Variants in LEKR1 observed in about 807,000 individuals in gnomAD.
The protein encoded by LEKR1 is protein LEKR1.
Under a neutral mutation model 72.4 loss-of-function variants are expected in LEKR1, and 59 were observed. The observed-to-expected ratio is 0.82, with a 90% CI of 0.66 to 1.01. The LOEUF is 1.01. Ranked by LOEUF, LEKR1 falls within the 50% of genes least tolerant of loss-of-function variation. The pLI, the probability that LEKR1 is intolerant of heterozygous loss-of-function variation, is 0.00. For synonymous variants in LEKR1, 257 were observed against 263.2 expected, an observed-to-expected ratio of 0.98 and a Z score of 0.23; for missense variants, 728 against 759.2, an observed-to-expected ratio of 0.96 and a Z score of 0.48.
At chr3:156,958,280 A>G (rs1414044777) in intron 6 of LEKR1, among the ~76,000 whole-genome samples, 1 of 152,122 alleles carries the variant, frequency 6.6e-6, no homozygotes, top group African/African-American at 2.4e-5. Context: ...TTATCCACAG[A>G]TATCTTTCTG....
At chr3:156,915,944 G>A (rs1240362876) in intron 3 of LEKR1, among the ~76,000 whole-genome samples, 5 of 152,120 alleles carry the variant, frequency 3.3e-5, no homozygotes, top group Admixed American at 2.6e-4. Context: ...TGTATACGGT[G>A]TATGGAAGGG....
chr3:156,936,074 T>C (rs957503213), intron 5 of LEKR1, among the ~76,000 whole-genome samples: 6 of 152,216 alleles, frequency 3.9e-5, no homozygotes, highest in African/African-American at 1.4e-4. Context: ...TGTGTATTTC[T>C]AGTTGTCTTT....
intron 9 of LEKR1, among the ~76,000 whole-genome samples, chr3:156,998,836 C>T (rs76521678): frequency 0.011 from 1,751 of 152,278 alleles, 36 homozygotes; most frequent in African/African-American, 0.04. Flanking sequence ...CTCTCTCCTT[C>T]ATCTTTTTCT....
chr3:156,906,083 A>AG (rs1722500439), intron 3 of LEKR1, among the ~76,000 whole-genome samples: 1 of 152,174 alleles, frequency 6.6e-6, no homozygotes, highest in Non-Finnish European at 1.5e-5. Context: ...TTGACAAAAA[A>AG]GAGTGCAGAT....
intron 9 of LEKR1, among the ~76,000 whole-genome samples, chr3:157,003,465 G>A (rs955045308): frequency 2.0e-5 from 3 of 152,130 alleles, no homozygotes; most frequent in Non-Finnish European, 2.9e-5. Flanking sequence ...TCTTAAGGGG[G>A]TAAAATCAAG....
chr3:156,843,505 T>G (rs1428987837), intron 2 of LEKR1, among the ~76,000 whole-genome samples: 1 of 152,148 alleles, frequency 6.6e-6, no homozygotes, highest in Non-Finnish European at 1.5e-5. Context: ...TTGTTTATTT[T>G]GCAAAACAGA....
Position 157,027,754 on chromosome 3 carries a change from C to T in LEKR1, c.1369-349C>T, listed in dbSNP as rs377693831. ...GTTTGAGCGCAGGAGGTCAAGGCTG[C>T]TGAGAGCCATGATTACACCACTGCA... On this transcript the variant is annotated intron_variant, in intron 11 of 12. Coordinates refer to ENST00000356539, the MANE Select transcript of LEKR1 (RefSeq NM_001004316.3). 1.6e-4 allele frequency among the ~76,000 whole-genome samples: 25 copies of T among 152,142 alleles called. No homozygotes were observed. The South Asian group carries it at 3.9e-3, about 24-fold the overall frequency.
At chr3:157,043,002 A>G (rs1735474808) in intron 12 of LEKR1, among the ~76,000 whole-genome samples, 1 of 152,068 alleles carries the variant, frequency 6.6e-6, no homozygotes, top group Non-Finnish European at 1.5e-5. Flanking sequence ...TTTCTCATGA[A>G]TGGTTTAGCA....
chr3:157,027,816 T>C lies in LEKR1; in HGVS notation c.1369-287T>C, dbSNP rs149658749. 2.1e-3 allele frequency among the ~76,000 whole-genome samples: 315 copies of C among 152,014 alleles called. 4 individuals are homozygous for C. The highest frequency in any genetic ancestry group is 7.1e-3 in the African/African-American group (295 of 41,500). On this transcript the variant is annotated intron_variant, in intron 11 of 12. Transcript: ENST00000356539. ...CAGCCTTGGCAACAGAGCAAGACCC[T>C]GTCTCAAAAAAAAAGACTTGTGCTA...
At chr3:156,992,322 G>A (rs1731200282) in intron 7 of LEKR1, among the ~76,000 whole-genome samples, 1 of 152,166 alleles carries the variant, frequency 6.6e-6, no homozygotes, top group Non-Finnish European at 1.5e-5. Flanking sequence ...ACCCCATGCT[G>A]TCACCTCATT....
intron 3 of LEKR1, among the ~76,000 whole-genome samples, chr3:156,906,628 C>T (rs1045351222): frequency 3.3e-5 from 5 of 152,044 alleles, no homozygotes; most frequent in East Asian, 3.9e-4. Flanking sequence ...TTGATGTGTA[C>T]GGTAAAAGTA....
intron 4 of LEKR1, among the ~76,000 whole-genome samples, chr3:156,922,487 C>G (rs1479919455): frequency 6.6e-6 from 1 of 151,172 alleles, no homozygotes; most frequent in Non-Finnish European, 1.5e-5. Context: ...ATTTATGGAG[C>G]CTAAAAGGAA....
At chr3:156,886,120 T>C (rs868583491) in intron 3 of LEKR1, among the ~76,000 whole-genome samples, 2 of 152,080 alleles carry the variant, frequency 1.3e-5, no homozygotes, top group Non-Finnish European at 1.5e-5. Context: ...TCTTCATGGG[T>C]GAGGCTTGCT....
At chr3:156,991,003 T>A (rs2108008311) in intron 7 of LEKR1, among the ~76,000 whole-genome samples, 1 of 152,304 alleles carries the variant, frequency 6.6e-6, no homozygotes, top group East Asian at 1.9e-4. Flanking sequence ...AGATGTGCAG[T>A]GTATTATATG....
At chr3:156,960,497 G>A (rs573944782) in intron 6 of LEKR1, among the ~76,000 whole-genome samples, 3 of 152,228 alleles carry the variant, frequency 2.0e-5, no homozygotes, top group African/African-American at 7.2e-5. Context: ...TGTTGGCCAG[G>A]CTGGTCTCAA....
chr3:156,969,181 T>G (rs1226961734), intron 6 of LEKR1, among the ~76,000 whole-genome samples: 1 of 151,558 alleles, frequency 6.6e-6, no homozygotes, highest in South Asian at 2.1e-4. Context: ...GCAAGAAAGA[T>G]CTAAAATTGA....
At chr3:156,961,104 C>A (rs749340771) in intron 6 of LEKR1, among the ~76,000 whole-genome samples, 4 of 152,138 alleles carry the variant, frequency 2.6e-5, no homozygotes, top group Admixed American at 6.5e-5. Context: ...TTTTAATATC[C>A]TTCCTTAATT....
Position 157,046,113 on chromosome 3 carries a change from T to G in LEKR1, c.*363T>G, listed in dbSNP as rs146008012. ...AAGCAGATATATTTCCACAAAAAAA[T>G]AGATTGTTTGAGATTTGTTGGTATG... On this transcript the variant is annotated 3_prime_UTR_variant, in exon 13 of 13. Transcript: ENST00000356539. 192 of 185,552 alleles carry G rather than the reference T, an allele frequency of 1.0e-3. No homozygotes were observed. Among genetic ancestry groups the G allele is most frequent in the Non-Finnish European group, 1.8e-3 (159 of 89,000 alleles). 11.5% of individuals were successfully genotyped at this position (185,552 alleles called of 1,614,324 possible). A position where few individuals can be genotyped will look rare whatever the true frequency, so the allele number is the denominator to read the frequency against.
chr3:156,843,420 C>T (rs1384355788), intron 2 of LEKR1, among the ~76,000 whole-genome samples: 1 of 151,842 alleles, frequency 6.6e-6, no homozygotes, highest in Admixed American at 6.6e-5. Flanking sequence ...ACAAAATGAA[C>T]ACTTGTAATA....
Sources: gnomAD v4.1 joint callset for allele counts (sites outside exome capture counted in the v4.1 genomes callset) on GRCh38, gnomAD v4.1.1 for gene constraint, MANE v1.5 for transcripts, NCBI Gene and HGNC (gene_info 2026-07-23, HGNC 2026-07-21) for gene names.